Variants in GADL1 observed in about 807,000 individuals in gnomAD.
GADL1 encodes the protein acidic amino acid decarboxylase GADL1.
Under a neutral mutation model 69.5 loss-of-function variants are expected in GADL1, and 71 were observed. The ratio of observed to expected loss-of-function variants is 1.02; its 90% confidence interval spans 0.84 to 1.25. The LOEUF (loss-of-function observed/expected upper bound fraction) is 1.25. GADL1 is among the 50% of genes most tolerant of loss of function. The pLI, the probability that GADL1 is intolerant of heterozygous loss-of-function variation, is 0.00. For missense variants in GADL1, 737 were observed against 631.8 expected, an observed-to-expected ratio of 1.17 and a Z score of -1.79; for synonymous variants, 254 against 214.4, an observed-to-expected ratio of 1.18 and a Z score of -1.62.
intron 1 of GADL1, among the ~76,000 whole-genome samples, chr3:30,871,819 G>A (rs1575243162): frequency 6.6e-6 from 1 of 151,824 alleles, no homozygotes; most frequent in Middle Eastern, 3.4e-3. Context: ...GGGAGTCTCT[G>A]AAACAGCCAG....
intron 1 of GADL1, among the ~76,000 whole-genome samples, chr3:30,881,918 C>T (rs1041741266): frequency 6.6e-6 from 1 of 151,844 alleles, no homozygotes; most frequent in Admixed American, 6.6e-5. Flanking sequence ...TCTTGCCTGT[C>T]TACCTTCCAT....
chr3:30,743,948 T>A (rs1695663349), intron 14 of GADL1, among the ~76,000 whole-genome samples: 1 of 152,126 alleles, frequency 6.6e-6, no homozygotes. Flanking sequence ...GGCTCCTCCA[T>A]CAGTCTGGAT....
chr3:30,878,349 G>A (rs1442123048), intron 1 of GADL1, among the ~76,000 whole-genome samples: 1 of 151,866 alleles, frequency 6.6e-6, no homozygotes, highest in African/African-American at 2.4e-5. Flanking sequence ...AAATCGTCCA[G>A]GACCTTCATG....
chr3:30,770,445 A>G (rs923739488), intron 14 of GADL1, among the ~76,000 whole-genome samples: 1 of 152,242 alleles, frequency 6.6e-6, no homozygotes, highest in Non-Finnish European at 1.5e-5. Context: ...CACTCCGTAC[A>G]GAGAATAGTA....
Position 30,850,745 on chromosome 3 carries a change from C to T in GADL1, c.535+90G>A, listed in dbSNP as rs184971908. The T allele has an allele frequency of 1.9e-5, 13 of 702,458 alleles. 1 individual carries two copies. The East Asian group carries it at 1.9e-4, about 10-fold the overall frequency. 43.5% of individuals were successfully genotyped at this position (702,458 alleles called of 1,614,324 possible). A position where few individuals can be genotyped will look rare whatever the true frequency, so the allele number is the denominator to read the frequency against. ...GAATTATTAATATCCAACTTTTTGT[C>T]GTGTATAAATCTGCAAGGAGTTGTT... On this transcript the variant is annotated intron_variant, in intron 5 of 14. Coordinates refer to ENST00000282538, the MANE Select transcript of GADL1 (RefSeq NM_207359.3).
chr3:30,759,212 C>CT (rs949240547), intron 14 of GADL1, among the ~76,000 whole-genome samples: 1 of 152,062 alleles, frequency 6.6e-6, no homozygotes, highest in African/African-American at 2.4e-5. Context: ...TAGGGTAGGA[C>CT]TTAGACATCT....
chr3:30,847,298 C>T (rs1389523277), intron 6 of GADL1, among the ~76,000 whole-genome samples: 1 of 152,014 alleles, frequency 6.6e-6, no homozygotes, highest in Non-Finnish European at 1.5e-5. Context: ...CATGCAAAAA[C>T]ACCTTCAGTG....
intron 14 of GADL1, among the ~76,000 whole-genome samples, chr3:30,728,998 CT>C (rs1695412772): frequency 6.6e-6 from 1 of 151,814 alleles, no homozygotes; most frequent in Admixed American, 6.6e-5. Context: ...ATTTTTCATC[CT>C]AGAAAAAAAG....
intron 1 of GADL1, among the ~76,000 whole-genome samples, chr3:30,874,405 T>C (rs914858862): frequency 1.3e-5 from 2 of 151,922 alleles, no homozygotes; most frequent in African/African-American, 4.8e-5. Flanking sequence ...CTGGCCTGGG[T>C]TATTCCTCAG....
chr3:30,748,636 T>G (rs926101799), intron 14 of GADL1, among the ~76,000 whole-genome samples: 2 of 152,202 alleles, frequency 1.3e-5, no homozygotes, highest in African/African-American at 4.8e-5. Context: ...ATTTAAACAT[T>G]TTCTGGAACT....
At chr3:30,770,968 T>C (rs1286314933) in intron 14 of GADL1, among the ~76,000 whole-genome samples, 1 of 152,098 alleles carries the variant, frequency 6.6e-6, no homozygotes, top group Admixed American at 6.6e-5. Context: ...AATCAGCAAA[T>C]AAGCAAAGTA....
chr3:30,846,990 G>A (rs1298629795), intron 6 of GADL1, among the ~76,000 whole-genome samples: 1 of 152,056 alleles, frequency 6.6e-6, no homozygotes. Flanking sequence ...GGGAGGTAAG[G>A]GTTTCTTTTT....
At chr3:30,784,750 A>G (rs369900186) in intron 13 of GADL1, among the ~76,000 whole-genome samples, 21 of 152,290 alleles carry the variant, frequency 1.4e-4, no homozygotes, top group African/African-American at 5.1e-4. Context: ...ATCTTTTAAC[A>G]TGCAAGTCAG....
chr3:30,859,234 G>C (rs1051817064), intron 2 of GADL1, among the ~76,000 whole-genome samples: 2 of 151,846 alleles, frequency 1.3e-5, no homozygotes, highest in African/African-American at 4.8e-5. Context: ...CTGGGAGGCT[G>C]GGGGGAAGCA....
At chr3:30,866,294 C>A (rs937876017) in intron 1 of GADL1, among the ~76,000 whole-genome samples, 1 of 151,724 alleles carries the variant, frequency 6.6e-6, no homozygotes, top group African/African-American at 2.4e-5. Flanking sequence ...CCTGTCTCTA[C>A]CAAAAAATAC....
chr3:30,797,606 G>A (rs1302939789), intron 12 of GADL1: 1 of 151,904 alleles, frequency 6.6e-6, no homozygotes, highest in Non-Finnish European at 1.5e-5. Context: ...TTGAATCCAG[G>A]TTGTCTGTAC....
intron 1 of GADL1, among the ~76,000 whole-genome samples, chr3:30,877,661 A>C (rs1037800412): frequency 6.6e-6 from 1 of 151,910 alleles, no homozygotes; most frequent in African/African-American, 2.4e-5. Context: ...GTCAACACAA[A>C]GTATTAAAAG....
At chr3:30,775,341 C>T (rs928077253) in intron 14 of GADL1, among the ~76,000 whole-genome samples, 3 of 152,192 alleles carry the variant, frequency 2.0e-5, no homozygotes, top group African/African-American at 7.2e-5. Flanking sequence ...ATTTGTGATT[C>T]TCTATCCAAG....
Position 30,778,172 on chromosome 3 carries a change from T to A in GADL1, c.1392+7A>T, listed in dbSNP as rs1193173431. The stretch of plus-strand genomic sequence containing the variant: ...AAAAAGAAAAATACCATTTACTTAT[T>A]ACTTACCAAATTAAGTTTTGCCCAG... On this transcript the variant is annotated splice_region_variant and intron_variant, in intron 14 of 14. Coordinates refer to ENST00000282538, the MANE Select transcript of GADL1 (RefSeq NM_207359.3). 2.7e-6 allele frequency: 4 copies of A among 1,494,714 alleles called. No homozygotes were observed. The Admixed American group carries it at 6.7e-5, about 25-fold the overall frequency. 92.6% of individuals were successfully genotyped at this position (1,494,714 alleles called of 1,614,324 possible). A position where few individuals can be genotyped will look rare whatever the true frequency, so the allele number is the denominator to read the frequency against.
Sources: gnomAD v4.1 joint callset for allele counts (sites outside exome capture counted in the v4.1 genomes callset) on GRCh38, gnomAD v4.1.1 for gene constraint, MANE v1.5 for transcripts, NCBI Gene and HGNC (gene_info 2026-07-23, HGNC 2026-07-21) for gene names.